MYG1: variants seen among roughly 807,000 people sequenced by gnomAD.
MYG1 encodes UPF0160 protein MYG1, mitochondrial.
Under a neutral mutation model 43.5 loss-of-function variants are expected in MYG1, and 36 were observed. That is an observed-to-expected ratio of 0.83 (90% CI 0.63 to 1.09). The LOEUF is 1.09. Ranked by LOEUF, MYG1 falls within the 50% of genes least tolerant of loss-of-function variation. The probability of loss-of-function intolerance (pLI) is 0.00; values close to 1 mark genes in which losing one functional copy is unlikely to be tolerated. For synonymous variants in MYG1, 220 were observed against 202.8 expected, an observed-to-expected ratio of 1.08 and a Z score of -0.72; for missense variants, 529 against 495.1, an observed-to-expected ratio of 1.07 and a Z score of -0.65.
At position 53,303,143 on chromosome 12, in the gene MYG1, T is replaced by C; in HGVS notation, c.439T>C (p.Leu147=). The part of the protein sequence containing the change: ...LHFGHKLLAQ[L]LGTSEEDSMV... The stretch of plus-strand genomic sequence containing the variant: ...CTTCGGGCACAAGCTGCTGGCCCAG[T>C]TGCTGGGCACTAGTGAAGAGGACAG... The change falls in exon 3 of 7, where the codon TTG becomes CTG. Residue 147 remains leucine (L), a synonymous_variant. Transcript: ENST00000267103. 2 of 1,614,218 alleles carry C rather than the reference T, an allele frequency of 1.2e-6. No individual in the cohort carries two copies. Among genetic ancestry groups the C allele is most frequent in the East Asian group, 2.2e-5 (1 of 44,876 alleles).
At chr12:53,300,016 TCCG>T in intron 1 of MYG1, 63 bp downstream of exon 1, 2 of 1,592,498 alleles carry the variant, frequency 1.3e-6, no homozygotes, top group Non-Finnish European at 1.7e-6. Context: ...TGGATGGCAT[TCCG>T]CCAACAGGGT....
At chr12:53,305,834 C>T (rs1466260276) in intron 3 of MYG1, 74 bp from the exon 4 acceptor site, 10 of 1,508,400 alleles carry the variant, frequency 6.6e-6, no homozygotes, top group Non-Finnish European at 8.9e-6. Context: ...TGTGTATGAA[C>T]ATACTTTGAA....
At position 53,299,695 on chromosome 12, in the gene MYG1, C is replaced by T. The variant is rs1424818956; in HGVS notation, c.-43C>T. On this transcript the variant is annotated 5_prime_UTR_variant, in exon 1 of 7. Coordinates refer to ENST00000267103, the MANE Select transcript of MYG1 (RefSeq NM_021640.4). ...GGAAGTGGGGCTGCGCTGGCGCTTCCTCTTCCGGGTCGGCGCTCCTGCCTC... is the reference window on the plus strand; with the variant it reads ...GGAAGTGGGGCTGCGCTGGCGCTTCTTCTTCCGGGTCGGCGCTCCTGCCTC... 5 of 1,550,046 alleles carry T rather than the reference C, an allele frequency of 3.2e-6. No homozygotes were observed. Among genetic ancestry groups the T allele is most frequent in the Admixed American group, 1.9e-5 (1 of 54,000 alleles).
chr12:53,305,838 C>T, intron 3 of MYG1, 70 bp from the exon 4 acceptor site: 1 of 1,517,674 alleles, frequency 6.6e-7, no homozygotes, highest in Non-Finnish European at 8.9e-7. Context: ...TATGAACATA[C>T]TTTGAATCAT....
In MYG1 at chr12:53,306,250, T is replaced by C; in HGVS notation, c.695T>C (p.Leu232Ser). 1 of 1,614,204 alleles carries C rather than the reference T, an allele frequency of 6.2e-7. No individual in the cohort carries two copies. The highest frequency in any genetic ancestry group is 8.5e-7 in the Non-Finnish European group (1 of 1,180,038). ...GTTCAAGAGGAGTTTCTGCAGAGAT[T>C]AGATTTCTACCAACACAGCTGGCTG... Reference protein sequence around the residue: ...DLVQEEFLQRLDFYQHSWLPA... With the variant: ...DLVQEEFLQRSDFYQHSWLPA... The change falls in exon 5 of 7, where the codon TTA becomes TCA. Residue 232 changes from leucine (L) to serine (S), a missense_variant. Leu to Ser is a moderately radical substitution (Grantham distance 145, BLOSUM62 -2). Transcript: ENST00000267103.
chr12:53,306,324 T>C lies in MYG1; in HGVS notation c.765+4T>C. 1 of 1,614,124 alleles carries C rather than the reference T, an allele frequency of 6.2e-7. No individual in the cohort carries two copies. Among genetic ancestry groups the C allele is most frequent in the Non-Finnish European group, 8.5e-7 (1 of 1,180,004 alleles). On this transcript the variant is annotated splice_donor_region_variant and intron_variant, in intron 5 of 6. Transcript: ENST00000267103. ...GGCCCTTGCCCAGCGATTCCAGGTA[T>C]AGGCCTTGGAGGAGGCATTATGGCT... is the stretch of plus-strand genomic sequence containing the variant.
At position 53,306,389 on chromosome 12, in the gene MYG1, C is replaced by T. The variant is rs957881886; in HGVS notation, c.765+69C>T. The T allele has an allele frequency of 4.4e-6, 7 of 1,595,052 alleles. No homozygotes were observed. The Admixed American group carries it at 1.0e-4, about 23-fold the overall frequency. On this transcript the variant is annotated intron_variant, in intron 5 of 6. Transcript: ENST00000267103. ...TGCCAATCAACAGGAACTCCTGCTT[C>T]TTCTACCCTAAACCCTGGAGTGCAG... is the stretch of plus-strand genomic sequence containing the variant.
intron 2 of MYG1, among the ~76,000 whole-genome samples, chr12:53,302,164 T>A (rs1346685589): frequency 6.6e-6 from 1 of 151,994 alleles, no homozygotes; most frequent in Non-Finnish European, 1.5e-5. Flanking sequence ...CCATTCTTAG[T>A]AGAAACAGAG....
rs1245706602 is a variant in MYG1, at chr12:53,306,073, G to A, written c.642+13G>A. On this transcript the variant is annotated intron_variant, in intron 4 of 6. Coordinates refer to ENST00000267103, the MANE Select transcript of MYG1 (RefSeq NM_021640.4). ...CCAAGACACTGAGGTAAGGTGGCCT[G>A]GGAGGAGACCCGGAGACCTGTAAGA... 3.1e-6 allele frequency: 5 copies of A among 1,611,876 alleles called. No homozygotes were observed. Among genetic ancestry groups the A allele is most frequent in the Non-Finnish European group, 4.2e-6 (5 of 1,178,806 alleles).
At chr12:53,301,747 GAT>G (rs1944234233) in intron 2 of MYG1, among the ~76,000 whole-genome samples, 2 of 152,104 alleles carry the variant, frequency 1.3e-5, no homozygotes. Context: ...GGAGTGCAGT[GAT>G]GTGATCTCGA....
chr12:53,305,827 G>A (rs1252521028), intron 3 of MYG1, 81 bp from the exon 4 acceptor site: 1 of 1,498,516 alleles, frequency 6.7e-7, no homozygotes, highest in African/African-American at 1.4e-5. Flanking sequence ...GAAAGAGTGT[G>A]TATGAACATA....
chr12:53,305,766 C>T (rs945181201), intron 3 of MYG1, 142 bp from the exon 4 acceptor site: 75 of 1,107,932 alleles, frequency 6.8e-5, no homozygotes, highest in Non-Finnish European at 9.1e-5. Context: ...GCTGAACTTG[C>T]CAATTCTCCC....
intron 3 of MYG1, among the ~76,000 whole-genome samples, chr12:53,305,125 C>T (rs1944263574): frequency 6.6e-6 from 1 of 152,126 alleles, no homozygotes; most frequent in Non-Finnish European, 1.5e-5. Context: ...GCCTCGGCCT[C>T]CCAAAGTGCT....
intron 3 of MYG1, among the ~76,000 whole-genome samples, chr12:53,305,532 CCT>C (rs1944267406): frequency 6.6e-6 from 1 of 152,136 alleles, no homozygotes; most frequent in African/African-American, 2.4e-5. Flanking sequence ...TCACTGAATA[CCT>C]ACTCACCCCA....
intron 3 of MYG1, chr12:53,305,642 C>A (rs961813746): frequency 3.0e-6 from 1 of 338,044 alleles, no homozygotes; most frequent in Non-Finnish European, 5.4e-6. Context: ...CAGTCCCCTC[C>A]CTACACGTGT....
chr12:53,306,813 A>G lies in MYG1; in HGVS notation c.899A>G (p.Gln300Arg). 1 of 1,614,208 alleles carries G rather than the reference A, an allele frequency of 6.2e-7. No homozygotes were observed. Among genetic ancestry groups the G allele is most frequent in the South Asian group, 1.1e-5 (1 of 91,090 alleles). ...GTTATCTACACTGACCAGGCTGGAC[A>G]GTGGCGAATACAGTGTGTGCCCAAG... ...FFVIYTDQAG[Q>R]WRIQCVPKEP... Residue 300 changes from glutamine (Q) to arginine (R), a missense_variant, in exon 6 of 7, where the codon CAG becomes CGG. By Grantham distance (43) the Gln-to-Arg change is conservative. Transcript: ENST00000267103.
At position 53,303,033 on chromosome 12, in the gene MYG1, G is replaced by A; in HGVS notation, c.330-1G>A. The A allele has an allele frequency of 6.2e-7, 1 of 1,608,736 alleles. No individual in the cohort carries two copies. The highest frequency in any genetic ancestry group is 1.1e-5 in the South Asian group (1 of 90,670). On this transcript the variant is annotated splice_acceptor_variant, in intron 2 of 6. Coordinates refer to ENST00000267103, the MANE Select transcript of MYG1 (RefSeq NM_021640.4). LOFTEE classifies it high-confidence loss of function. ...CAGCCCCACCTCCCTATGCTCCTCA[G>A]GTCTTTCACAGAGACCATGAGCTCC...
Position 53,306,247 on chromosome 12 carries a change from G to A in MYG1, c.692G>A (p.Arg231Lys). ...MDLVQEEFLQ[R>K]LDFYQHSWLP... Reference sequence around the variant, plus strand: ...CTGGTTCAAGAGGAGTTTCTGCAGAGATTAGATTTCTACCAACACAGCTGG... The same window carrying A: ...CTGGTTCAAGAGGAGTTTCTGCAGAAATTAGATTTCTACCAACACAGCTGG... The change falls in exon 5 of 7, where the codon AGA (arginine) becomes AAA (lysine). Residue 231 changes from arginine (R) to lysine (K), a missense_variant. Arg to Lys is a conservative substitution (Grantham distance 26, BLOSUM62 2). Coordinates refer to ENST00000267103, the MANE Select transcript of MYG1 (RefSeq NM_021640.4). The A allele has an allele frequency of 6.2e-7, 1 of 1,614,272 alleles. No homozygotes were observed. The highest frequency in any genetic ancestry group is 8.5e-7 in the Non-Finnish European group (1 of 1,180,056).
At chr12:53,300,910 C>A (rs1404651236) in intron 2 of MYG1, among the ~76,000 whole-genome samples, 1 of 149,826 alleles carries the variant, frequency 6.7e-6, no homozygotes, top group Admixed American at 6.7e-5. Flanking sequence ...CTCTGGGATT[C>A]TTTTTTCTTT....
Sources: allele counts gnomAD v4.1 joint callset (sites outside exome capture counted in the v4.1 genomes callset), GRCh38; gene constraint gnomAD v4.1.1; transcripts MANE v1.5; gene names NCBI Gene and HGNC (gene_info 2026-07-23, HGNC 2026-07-21).